Variants in LPAR3 observed in about 807,000 individuals in gnomAD.
The protein encoded by LPAR3 is LPA receptor 3.
Under a neutral mutation model 17.8 loss-of-function variants are expected in LPAR3, and 7 were observed. The observed-to-expected ratio is 0.39, with a 90% CI of 0.22 to 0.74. LPAR3 has a LOEUF of 0.74. LPAR3 is among the 30% of genes least tolerant of loss of function. LPAR3 has a pLI of 0.40. For missense variants in LPAR3, 391 were observed against 453.4 expected (o/e 0.86, Z 1.25); for synonymous variants, 179 against 179.9 (o/e 0.99, Z 0.04).
intron 2 of LPAR3, among the ~76,000 whole-genome samples, chr1:84,821,987 G>A (rs1216391304): frequency 6.6e-6 from 1 of 152,130 alleles, no homozygotes; most frequent in Non-Finnish European, 1.5e-5. Context: ...CAGGAGCATG[G>A]GTCAGAACTC....
At chr1:84,870,325 C>T (rs1037782300) in intron 1 of LPAR3, among the ~76,000 whole-genome samples, 1 of 152,200 alleles carries the variant, frequency 6.6e-6, no homozygotes, top group Non-Finnish European at 1.5e-5. Flanking sequence ...AATTTATTGT[C>T]CATCTCCCAC....
intron 2 of LPAR3, among the ~76,000 whole-genome samples, chr1:84,842,270 C>T (rs575747387): frequency 6.6e-6 from 1 of 152,274 alleles, no homozygotes; most frequent in African/African-American, 2.4e-5. Flanking sequence ...AAGTATAGGG[C>T]AAGAAATTGA....
At chr1:84,844,816 G>A (rs541269280) in intron 2 of LPAR3, among the ~76,000 whole-genome samples, 11 of 152,072 alleles carry the variant, frequency 7.2e-5, no homozygotes, top group Non-Finnish European at 1.2e-4. Flanking sequence ...CCCCGACCCC[G>A]CCACAGTCTT....
chr1:84,828,872 G>A (rs1416072029), intron 2 of LPAR3, among the ~76,000 whole-genome samples: 3 of 152,116 alleles, frequency 2.0e-5, no homozygotes, highest in African/African-American at 7.2e-5. Context: ...TTATGGGTAC[G>A]ACATTGCTGT....
At chr1:84,855,005 G>T (rs1315713707) in intron 2 of LPAR3, among the ~76,000 whole-genome samples, 1 of 152,190 alleles carries the variant, frequency 6.6e-6, no homozygotes, top group Non-Finnish European at 1.5e-5. Context: ...ACAATCTGGT[G>T]GTGAGGGAGA....
intron 1 of LPAR3, among the ~76,000 whole-genome samples, chr1:84,881,070 G>A (rs1349311732): frequency 6.6e-6 from 1 of 152,190 alleles, no homozygotes; most frequent in Non-Finnish European, 1.5e-5. Context: ...ACTGAATAGT[G>A]GATGTTTGTC....
chr1:84,814,074 G>A lies in LPAR3; in HGVS notation c.834C>T (p.Phe278=). The A allele has an allele frequency of 6.2e-7, 1 of 1,614,112 alleles. No homozygotes were observed. Among genetic ancestry groups the A allele is most frequent in the Non-Finnish European group, 8.5e-7 (1 of 1,180,018 alleles). ...CGGAGTTGAGCAGCGCCAGCAGCAG[G>A]AACCACCTTTTCACATGCTGCACGC... is the stretch of plus-strand genomic sequence containing the variant. ...QCGVQHVKRW[F]LLLALLNSVV... is the part of the protein sequence containing the mutation. The change falls in exon 3 of 3, where the codon TTC becomes TTT. Residue 278 remains phenylalanine (F), a synonymous_variant. Coordinates refer to ENST00000370611, the MANE Select transcript of LPAR3 (RefSeq NM_012152.3).
At position 84,865,543 on chromosome 1, in the gene LPAR3, A is replaced by G. The variant is rs373932598; in HGVS notation, c.578T>C (p.Val193Ala). 11 of 1,614,102 alleles carry G rather than the reference A, an allele frequency of 6.8e-6. No homozygotes were observed. Among genetic ancestry groups the G allele is most frequent in the Non-Finnish European group, 9.3e-6 (11 of 1,180,050 alleles). The change falls in exon 2 of 3, where the codon GTG becomes GCG. Residue 193 changes from valine to alanine, a missense_variant. Physicochemically the swap from Val to Ala is moderately conservative, Grantham distance 64. Coordinates refer to ENST00000370611, the MANE Select transcript of LPAR3 (RefSeq NM_012152.3). The stretch of plus-strand genomic sequence containing the variant: ...GATGAGGAAGGCCATGAGGTTGGAC[A>G]CTGTCCAGAAAACAAGGTAACTCCT... ...YSRSYLVFWT[V>A]SNLMAFLIMV... is the part of the protein sequence containing the mutation.
chr1:84,827,403 T>C (rs1659182017), intron 2 of LPAR3, among the ~76,000 whole-genome samples: 1 of 152,146 alleles, frequency 6.6e-6, no homozygotes. Flanking sequence ...CTTTCATTTA[T>C]TATCAGAGGA....
intron 2 of LPAR3, among the ~76,000 whole-genome samples, chr1:84,830,539 C>A (rs1298180330): frequency 6.6e-6 from 1 of 151,938 alleles, no homozygotes; most frequent in Non-Finnish European, 1.5e-5. Context: ...CACTCTTACA[C>A]ACTTATTGTC....
intron 2 of LPAR3, among the ~76,000 whole-genome samples, chr1:84,827,599 T>A (rs890722229): frequency 6.6e-6 from 1 of 152,164 alleles, no homozygotes; most frequent in African/African-American, 2.4e-5. Flanking sequence ...GCCCTTCACT[T>A]GTGCCCTCAT....
At chr1:84,870,701 C>T (rs1415568944) in intron 1 of LPAR3, among the ~76,000 whole-genome samples, 3 of 152,096 alleles carry the variant, frequency 2.0e-5, no homozygotes, top group Admixed American at 1.3e-4. Flanking sequence ...TATTATTACA[C>T]CCATTATGCA....
intron 1 of LPAR3, among the ~76,000 whole-genome samples, chr1:84,885,729 C>A (rs1287579540): frequency 6.6e-6 from 1 of 152,018 alleles, no homozygotes; most frequent in Non-Finnish European, 1.5e-5. Flanking sequence ...GCCTGGCAGC[C>A]GAGGACAAGA....
intron 2 of LPAR3, among the ~76,000 whole-genome samples, chr1:84,850,657 A>T (rs1256754264): frequency 6.6e-6 from 1 of 152,202 alleles, no homozygotes; most frequent in Non-Finnish European, 1.5e-5. Context: ...TCTAGTCCCA[A>T]CCCTAACCAA....
In LPAR3 at chr1:84,832,963, C is replaced by T. The variant is rs139507474; in HGVS notation, c.737-18792G>A. ...AGATGAGTAAGTCAAAATGTGTAAA[C>T]AAAAATAAATATTTTGTAAATTGTT... On this transcript the variant is annotated intron_variant, in intron 2 of 2. Transcript: ENST00000370611. 2.4e-4 allele frequency among the ~76,000 whole-genome samples: 37 copies of T among 152,196 alleles called. 1 individual carries two copies. Among genetic ancestry groups the T allele is most frequent in the Non-Finnish European group, 4.9e-4 (33 of 67,984 alleles).
chr1:84,817,977 G>A (rs1658974652), intron 2 of LPAR3, among the ~76,000 whole-genome samples: 1 of 152,194 alleles, frequency 6.6e-6, no homozygotes, highest in Non-Finnish European at 1.5e-5. Context: ...CAGCTGAGCA[G>A]CCTAGCACAA....
At chr1:84,824,094 G>A (rs751785223) in intron 2 of LPAR3, among the ~76,000 whole-genome samples, 5 of 152,210 alleles carry the variant, frequency 3.3e-5, no homozygotes, top group Non-Finnish European at 5.9e-5. Context: ...CTCTAATGGG[G>A]TTGAAACATT....
chr1:84,888,065 T>C (rs987462590), intron 1 of LPAR3, among the ~76,000 whole-genome samples: 2 of 151,648 alleles, frequency 1.3e-5, no homozygotes, highest in African/African-American at 4.9e-5. Context: ...TGGAGTGTTT[T>C]CAAGAGTGAT....
chr1:84,842,660 G>T (rs1659525161), intron 2 of LPAR3, among the ~76,000 whole-genome samples: 1 of 152,180 alleles, frequency 6.6e-6, no homozygotes, highest in Non-Finnish European at 1.5e-5. Context: ...ATCTGCTAAA[G>T]TACTTACAAG....
Sources: gnomAD v4.1 joint callset for allele counts (sites outside exome capture counted in the v4.1 genomes callset) on GRCh38, gnomAD v4.1.1 for gene constraint, MANE v1.5 for transcripts, NCBI Gene and HGNC (gene_info 2026-07-23, HGNC 2026-07-21) for gene names.